ZNF804B: variants seen among roughly 807,000 people sequenced by gnomAD.
ZNF804B encodes the protein zinc finger protein 804B.
Under a neutral mutation model 101.4 loss-of-function variants are expected in ZNF804B, and 80 were observed. That is an observed-to-expected ratio of 0.79 (90% CI 0.66 to 0.95). ZNF804B has a LOEUF of 0.95. Ranked by LOEUF, ZNF804B falls within the 40% of genes least tolerant of loss-of-function variation. The pLI is 0.00. For synonymous variants in ZNF804B, 622 were observed against 558.8 expected (o/e 1.11, Z -1.59); for missense variants, 1,673 against 1,561.9 (o/e 1.07, Z -1.20).
chr7:88,994,547 A>C (rs192156711), intron 1 of ZNF804B, among the ~76,000 whole-genome samples: 2 of 152,094 alleles, frequency 1.3e-5, no homozygotes, highest in African/African-American at 4.8e-5. Context: ...TGGCTACTTA[A>C]GTCACTAATT....
chr7:88,777,938 T>C (rs968255357), intron 1 of ZNF804B, among the ~76,000 whole-genome samples: 4 of 152,106 alleles, frequency 2.6e-5, no homozygotes, highest in Non-Finnish European at 5.9e-5. Flanking sequence ...TGTATATATC[T>C]GTTATACAGA....
At chr7:89,289,551 G>A (rs1790255324) in intron 2 of ZNF804B, among the ~76,000 whole-genome samples, 1 of 152,080 alleles carries the variant, frequency 6.6e-6, no homozygotes. Context: ...CTTGAGAGAG[G>A]GAGAGTGCAG....
At chr7:88,898,984 C>G (rs141937857) in intron 1 of ZNF804B, among the ~76,000 whole-genome samples, 1 of 152,300 alleles carries the variant, frequency 6.6e-6, no homozygotes, top group African/African-American at 2.4e-5. Context: ...TCAGAGCCAA[C>G]CCTTAAGTTC....
chr7:88,966,135 A>T (rs889657294), intron 1 of ZNF804B, among the ~76,000 whole-genome samples: 4 of 151,490 alleles, frequency 2.6e-5, no homozygotes, highest in African/African-American at 9.7e-5. Context: ...TCTTTCCAGC[A>T]TGTTTTGAAG....
At chr7:89,251,894 AC>A (rs1789547005) in intron 2 of ZNF804B, among the ~76,000 whole-genome samples, 1 of 152,218 alleles carries the variant, frequency 6.6e-6, no homozygotes. Context: ...CTTTTACCAT[AC>A]AAAAATTAAG....
In ZNF804B at chr7:89,220,127, GCACA is replaced by G. The variant is rs1306184819; in HGVS notation, c.249+1835_249+1838del. Among the ~76,000 whole-genome samples the G allele has an allele frequency of 1.2e-4, 6 of 51,412 alleles. 1 individual carries two copies. The highest frequency in any genetic ancestry group is 4.8e-4 in the African/African-American group (6 of 12,574). The allele number at this position is 51,412 out of a possible 152,430, so 33.7% of individuals were successfully genotyped here. On this transcript the variant is annotated intron_variant, in intron 2 of 3. Coordinates refer to ENST00000333190, the MANE Select transcript of ZNF804B (RefSeq NM_181646.5). ...TATGTGTGTATATACATATATATAC[GCACA>G]CATATATGTGTGTATATACATATAT...
chr7:89,189,892 C>T (rs1411633026), intron 1 of ZNF804B, among the ~76,000 whole-genome samples: 1 of 152,046 alleles, frequency 6.6e-6, no homozygotes, highest in Non-Finnish European at 1.5e-5. Context: ...AAATACATTT[C>T]ATAAATTTAT....
At chr7:89,257,716 G>A (rs1011463234) in intron 2 of ZNF804B, among the ~76,000 whole-genome samples, 14 of 152,062 alleles carry the variant, frequency 9.2e-5, no homozygotes, top group African/African-American at 2.9e-4. Context: ...CACTACTCAG[G>A]TAATGAGCAT....
chr7:88,986,860 T>C (rs1793765554), intron 1 of ZNF804B, among the ~76,000 whole-genome samples: 1 of 152,112 alleles, frequency 6.6e-6, no homozygotes. Context: ...CTGAACAAAG[T>C]TGAACAAAGC....
chr7:89,231,588 C>T, intron 2 of ZNF804B, among the ~76,000 whole-genome samples: 1 of 151,936 alleles, frequency 6.6e-6, no homozygotes, highest in East Asian at 1.9e-4. Context: ...ATATATGTCT[C>T]TGTTTACTTA....
intron 1 of ZNF804B, among the ~76,000 whole-genome samples, chr7:88,939,334 A>C (rs1183057069): frequency 6.6e-6 from 1 of 151,838 alleles, no homozygotes. Context: ...GGCTTTTTAC[A>C]CTGTATTTTT....
intron 2 of ZNF804B, among the ~76,000 whole-genome samples, chr7:89,259,649 A>G (rs373312814): frequency 5.3e-4 from 80 of 152,248 alleles, no homozygotes; most frequent in African/African-American, 1.8e-3. Context: ...ATTGCCTTCA[A>G]TGTTGAGCTC....
At chr7:89,009,541 A>G (rs1468202160) in intron 1 of ZNF804B, among the ~76,000 whole-genome samples, 1 of 152,178 alleles carries the variant, frequency 6.6e-6, no homozygotes, top group East Asian at 1.9e-4. Context: ...TCAAGTTCAA[A>G]TTTGAAATCT....
chr7:89,330,277 G>T (rs1279140708), intron 3 of ZNF804B, among the ~76,000 whole-genome samples: 1 of 151,574 alleles, frequency 6.6e-6, no homozygotes, highest in Non-Finnish European at 1.5e-5. Flanking sequence ...TCCGATGTAA[G>T]ATGAATAAGT....
chr7:89,123,347 A>G (rs1447155346), intron 1 of ZNF804B, among the ~76,000 whole-genome samples: 1 of 152,184 alleles, frequency 6.6e-6, no homozygotes, highest in Non-Finnish European at 1.5e-5. Context: ...AAGATGATAT[A>G]CTATGATGGC....
chr7:89,007,885 G>A (rs532693467), intron 1 of ZNF804B, among the ~76,000 whole-genome samples: 4 of 151,574 alleles, frequency 2.6e-5, no homozygotes, highest in African/African-American at 9.7e-5. Flanking sequence ...GTTAATATAT[G>A]CAAAATTAGT....
intron 2 of ZNF804B, among the ~76,000 whole-genome samples, chr7:89,319,287 T>A (rs919866496): frequency 2.6e-5 from 4 of 152,220 alleles, no homozygotes; most frequent in South Asian, 2.1e-4. Flanking sequence ...TAATTAATTT[T>A]AAAAAATTAA....
chr7:88,894,984 G>C lies in ZNF804B; in HGVS notation c.108+134900G>C, dbSNP rs188447744. ...TATAACACAAATGGTGAACATTAAT[G>C]TATACACTTTAAGAAGTCAGGGTAT... On this transcript the variant is annotated intron_variant, in intron 1 of 3. Coordinates refer to ENST00000333190, the MANE Select transcript of ZNF804B (RefSeq NM_181646.5). Among the ~76,000 whole-genome samples, 29 of 152,218 alleles carry C rather than the reference G, an allele frequency of 1.9e-4. 1 individual carries two copies. The highest frequency in any genetic ancestry group is 2.2e-4 in the Non-Finnish European group (15 of 67,988).
At chr7:88,777,464 C>A (rs909528155) in intron 1 of ZNF804B, among the ~76,000 whole-genome samples, 1 of 152,156 alleles carries the variant, frequency 6.6e-6, no homozygotes, top group Admixed American at 6.5e-5. Flanking sequence ...GGCATGCAGT[C>A]CCAGAGTAAA....
Sources: gnomAD v4.1 joint callset for allele counts (sites outside exome capture counted in the v4.1 genomes callset) on GRCh38, gnomAD v4.1.1 for gene constraint, MANE v1.5 for transcripts, NCBI Gene and HGNC (gene_info 2026-07-23, HGNC 2026-07-21) for gene names.